GRID2: variants seen among roughly 807,000 people sequenced by gnomAD.
GRID2 encodes glutamate ionotropic receptor delta type subunit 2.
A neutral mutation model predicts 114.8 loss-of-function variants in GRID2; 33 were observed. That is an observed-to-expected ratio of 0.29 (90% CI 0.22 to 0.38). GRID2 has a LOEUF of 0.38. GRID2 is among the 10% of genes least tolerant of loss of function. The pLI, the probability that GRID2 is intolerant of heterozygous loss-of-function variation, is 1.00. For synonymous variants in GRID2, 505 were observed against 449.9 expected, an observed-to-expected ratio of 1.12 and a Z score of -1.55; for missense variants, 1,184 against 1,257.7, an observed-to-expected ratio of 0.94 and a Z score of 0.89.
At chr4:93,803,921 C>G (rs573294191) in intron 1 of GRID2, among the ~76,000 whole-genome samples, 1 of 152,278 alleles carries the variant, frequency 6.6e-6, no homozygotes, top group East Asian at 1.9e-4. Flanking sequence ...CTACAACCAT[C>G]ATCACACTGC....
chr4:93,566,855 A>G (rs1735475960), intron 13 of GRID2, among the ~76,000 whole-genome samples: 1 of 152,140 alleles, frequency 6.6e-6, no homozygotes, highest in Non-Finnish European at 1.5e-5. Flanking sequence ...ATTATATATT[A>G]ACACACCTGA....
intron 8 of GRID2, among the ~76,000 whole-genome samples, chr4:93,390,505 G>T (rs1008454851): frequency 2.0e-5 from 3 of 152,096 alleles, no homozygotes; most frequent in Admixed American, 6.5e-5. Flanking sequence ...TTTACTATTC[G>T]CATTTGAGAG....
intron 2 of GRID2, among the ~76,000 whole-genome samples, chr4:92,745,911 G>T (rs1224110264): frequency 6.6e-6 from 1 of 152,126 alleles, no homozygotes; most frequent in Non-Finnish European, 1.5e-5. Flanking sequence ...GAAGTCATAG[G>T]ATTTGGCTGA....
chr4:93,678,535 C>A (rs6532428), intron 14 of GRID2, among the ~76,000 whole-genome samples: 9 of 151,490 alleles, frequency 5.9e-5, no homozygotes, highest in Non-Finnish European at 1.3e-4. Flanking sequence ...GAGAAAGGTC[C>A]GGTTACCCAC....
At chr4:92,833,350 T>G (rs148202819) in intron 2 of GRID2, among the ~76,000 whole-genome samples, 1 of 152,182 alleles carries the variant, frequency 6.6e-6, no homozygotes, top group African/African-American at 2.4e-5. Context: ...TACTGACACA[T>G]GTACTTCATC....
At chr4:93,356,910 TTTTTATTTC>T (rs1761390111) in intron 8 of GRID2, among the ~76,000 whole-genome samples, 1 of 151,856 alleles carries the variant, frequency 6.6e-6, no homozygotes, top group Non-Finnish European at 1.5e-5. Context: ...TTTGTGTGTC[TTTTTATTTC>T]TTTTATTTCT....
intron 10 of GRID2, among the ~76,000 whole-genome samples, chr4:93,436,292 A>G (rs1264484062): frequency 1.3e-5 from 2 of 152,012 alleles, no homozygotes; most frequent in East Asian, 1.9e-4. Context: ...CTTAGATTTC[A>G]TCCTCTTATC....
chr4:93,225,172 C>A (rs1180121601), intron 7 of GRID2, among the ~76,000 whole-genome samples: 2 of 152,190 alleles, frequency 1.3e-5, no homozygotes, highest in African/African-American at 4.8e-5. Flanking sequence ...TGGTAAGACA[C>A]TGGATGTGAT....
chr4:92,323,696 G>T (rs1441689093), intron 1 of GRID2, among the ~76,000 whole-genome samples: 2 of 151,908 alleles, frequency 1.3e-5, no homozygotes, highest in Non-Finnish European at 2.9e-5. Context: ...TCTGAAGCTT[G>T]CCACCTTCCT....
chr4:93,053,218 G>A (rs1006949005), intron 2 of GRID2, among the ~76,000 whole-genome samples: 15 of 151,874 alleles, frequency 9.9e-5, no homozygotes, highest in African/African-American at 2.2e-4. Context: ...TATTAATACC[G>A]GGCACCTTCC....
intron 13 of GRID2, among the ~76,000 whole-genome samples, chr4:93,524,773 A>G (rs1730662403): frequency 8.2e-6 from 1 of 121,302 alleles, no homozygotes; most frequent in African/African-American, 3.2e-5. Context: ...GAAAAAATAT[A>G]TGTATGTATG....
intron 4 of GRID2, among the ~76,000 whole-genome samples, chr4:93,199,667 A>G (rs1319287180): frequency 6.6e-6 from 1 of 152,182 alleles, no homozygotes; most frequent in African/African-American, 2.4e-5. Context: ...TTGGAAAAGA[A>G]CAGAAGACAG....
intron 3 of GRID2, among the ~76,000 whole-genome samples, chr4:93,098,599 T>C (rs1233924216): frequency 6.6e-6 from 1 of 151,970 alleles, no homozygotes; most frequent in African/African-American, 2.4e-5. Context: ...AACATTAAAT[T>C]TCAGGGCTGG....
chr4:93,564,589 C>A (rs1441243568), intron 13 of GRID2, among the ~76,000 whole-genome samples: 1 of 151,888 alleles, frequency 6.6e-6, no homozygotes, highest in Non-Finnish European at 1.5e-5. Flanking sequence ...TGGATGGTAC[C>A]CCTAGGCTAA....
At chr4:92,709,504 C>T (rs987942789) in intron 2 of GRID2, among the ~76,000 whole-genome samples, 50 of 141,538 alleles carry the variant, frequency 3.5e-4, no homozygotes, top group African/African-American at 1.3e-3. Flanking sequence ...AAACTAGGAA[C>T]GTTTGTGTCT....
chr4:93,248,161 C>A (rs1455561821), intron 8 of GRID2, among the ~76,000 whole-genome samples: 2 of 152,102 alleles, frequency 1.3e-5, no homozygotes, highest in African/African-American at 4.8e-5. Flanking sequence ...TACTTAACAT[C>A]CACTGAACAA....
At chr4:93,701,069 C>T (rs930339637) in intron 14 of GRID2, among the ~76,000 whole-genome samples, 2 of 152,062 alleles carry the variant, frequency 1.3e-5, no homozygotes, top group African/African-American at 4.8e-5. Flanking sequence ...CAGATATAGA[C>T]TTATCCCCAG....
At chr4:93,783,794 C>G (rs1012110133) in intron 1 of GRID2, among the ~76,000 whole-genome samples, 1 of 152,006 alleles carries the variant, frequency 6.6e-6, no homozygotes, top group African/African-American at 2.4e-5. Flanking sequence ...AACCCTTGGC[C>G]GGGCGCGGTG....
chr4:92,674,100 G>C (rs1733208706), intron 2 of GRID2, among the ~76,000 whole-genome samples: 1 of 152,004 alleles, frequency 6.6e-6, no homozygotes, highest in Admixed American at 6.5e-5. Flanking sequence ...GTGTTGAATT[G>C]AGTGCTTTTT....
Sources: gnomAD v4.1 joint callset for allele counts (sites outside exome capture counted in the v4.1 genomes callset) on GRCh38, gnomAD v4.1.1 for gene constraint, MANE v1.5 for transcripts, NCBI Gene and HGNC (gene_info 2026-07-23, HGNC 2026-07-21) for gene names.